PARL: variants seen among roughly 807,000 people sequenced by gnomAD.
PARL encodes presenilin-associated rhomboid-like protein, mitochondrial.
In PARL, 44 loss-of-function variants were observed where a neutral mutation model predicts 51.6. That is an observed-to-expected ratio of 0.85 (90% CI 0.67 to 1.10). The LOEUF (loss-of-function observed/expected upper bound fraction) is 1.10. Among genes scored for constraint, PARL ranks in the 50% least tolerant of loss-of-function variants. The probability of loss-of-function intolerance (pLI) is 0.00; values close to 1 mark genes in which losing one functional copy is unlikely to be tolerated. For synonymous variants in PARL, 172 were observed against 164.0 expected (o/e 1.05, Z -0.37); for missense variants, 441 against 469.5 (o/e 0.94, Z 0.56).
At chr3:183,865,808 G>T (rs1168954123) in intron 3 of PARL, among the ~76,000 whole-genome samples, 3 of 152,014 alleles carry the variant, frequency 2.0e-5, no homozygotes, top group Non-Finnish European at 1.5e-5. Flanking sequence ...GATCCACTGA[G>T]ATCCTTAAAC....
At chr3:183,834,976 T>A (rs1728399603) in intron 7 of PARL, among the ~76,000 whole-genome samples, 2 of 151,770 alleles carry the variant, frequency 1.3e-5, no homozygotes, top group Admixed American at 1.3e-4. Flanking sequence ...CGAGAATTGC[T>A]TGAACCCGGG....
At chr3:183,881,247 G>A (rs751543878) in intron 1 of PARL, among the ~76,000 whole-genome samples, 10 of 151,202 alleles carry the variant, frequency 6.6e-5, no homozygotes, top group Non-Finnish European at 1.2e-4. Context: ...TCGGCCCCCC[G>A]AGTAGCTGGG....
chr3:183,867,467 A>G (rs573910852), intron 2 of PARL, among the ~76,000 whole-genome samples: 28 of 152,108 alleles, frequency 1.8e-4, no homozygotes, highest in South Asian at 8.3e-4. Context: ...TTGGGAGGCC[A>G]AGGCGGGCGG....
intron 1 of PARL, among the ~76,000 whole-genome samples, chr3:183,882,288 C>T (rs1414034910): frequency 7.7e-4 from 69 of 89,260 alleles, no homozygotes; most frequent in African/African-American, 2.5e-3. Context: ...TATATACACA[C>T]ACACATATAT....
At chr3:183,876,647 A>G (rs1397682915) in intron 1 of PARL, among the ~76,000 whole-genome samples, 5 of 137,678 alleles carry the variant, frequency 3.6e-5, no homozygotes, top group Non-Finnish European at 7.6e-5. Context: ...AAGAAAAAGA[A>G]AAAGAAAGAA....
chr3:183,876,622 A>T (rs1320591157), intron 1 of PARL, among the ~76,000 whole-genome samples: 9 of 48,372 alleles, frequency 1.9e-4, no homozygotes, highest in African/African-American at 4.6e-4. Flanking sequence ...AAAAAAAAAA[A>T]AAAAAAAAAA....
intron 1 of PARL, among the ~76,000 whole-genome samples, chr3:183,876,391 G>GA (rs1733809722): frequency 6.6e-6 from 1 of 151,656 alleles, no homozygotes; most frequent in South Asian, 2.1e-4. Flanking sequence ...CAAATGCTGA[G>GA]AAAAAAAGAT....
intron 6 of PARL, among the ~76,000 whole-genome samples, chr3:183,841,024 T>C (rs1729248426): frequency 6.6e-6 from 1 of 152,194 alleles, no homozygotes; most frequent in African/African-American, 2.4e-5. Context: ...CTGCATGATC[T>C]GCTGAGCGAC....
chr3:183,835,595 G>A lies in PARL; in HGVS notation c.829-1770C>T, dbSNP rs149536902. Among the ~76,000 whole-genome samples the A allele has an allele frequency of 7.0e-3, 1,061 of 152,266 alleles. 10 individuals carry two copies. The highest frequency in any genetic ancestry group is 0.024 in the African/African-American group (1,017 of 41,556). On this transcript the variant is annotated intron_variant, in intron 7 of 9. Transcript: ENST00000317096. The stretch of plus-strand genomic sequence containing the variant: ...AGAGACTATAATTGTAGCCGGGCAC[G>A]GTGGCTCACGCCTGTAATCCCAGCA...
At chr3:183,864,502 C>T (rs1439467963) in intron 3 of PARL, among the ~76,000 whole-genome samples, 1 of 152,090 alleles carries the variant, frequency 6.6e-6, no homozygotes, top group Non-Finnish European at 1.5e-5. Context: ...ATTGGCTGGG[C>T]TCGGTGGCTC....
chr3:183,881,586 T>C (rs990965826), intron 1 of PARL, among the ~76,000 whole-genome samples: 7 of 152,228 alleles, frequency 4.6e-5, no homozygotes, highest in Non-Finnish European at 7.3e-5. Context: ...TTGATTAGAT[T>C]CATTCCACTT....
rs550283624 is a variant in PARL, at chr3:183,852,488, T to G, written c.512-8162A>C. ...AAAGTAGAATGCGGTTACTAGTGGCTGAGGGGAGGGGGTAATAGGGAGCTA... is the reference window on the plus strand; with the variant it reads ...AAAGTAGAATGCGGTTACTAGTGGCGGAGGGGAGGGGGTAATAGGGAGCTA... On this transcript the variant is annotated intron_variant, in intron 4 of 9. Coordinates refer to ENST00000317096, the MANE Select transcript of PARL (RefSeq NM_018622.7). 3.3e-5 allele frequency among the ~76,000 whole-genome samples: 5 copies of G among 152,240 alleles called. No individual in the cohort carries two copies. The South Asian group carries it at 8.3e-4, about 25-fold the overall frequency.
intron 7 of PARL, 149 bp from the exon 8 acceptor site, chr3:183,833,974 G>A (rs1728256933): frequency 1.4e-6 from 1 of 692,354 alleles, no homozygotes; most frequent in African/African-American, 1.8e-5. Flanking sequence ...AGTTACTTAT[G>A]TCCCCAATAA....
chr3:183,837,605 A>G (rs1228290688), intron 7 of PARL, among the ~76,000 whole-genome samples: 1 of 152,186 alleles, frequency 6.6e-6, no homozygotes, highest in Non-Finnish European at 1.5e-5. Context: ...TCAGGAGGCA[A>G]AGGCGGCTGA....
intron 9 of PARL, among the ~76,000 whole-genome samples, chr3:183,832,345 A>C (rs1192540213): frequency 6.6e-6 from 1 of 151,578 alleles, no homozygotes; most frequent in Non-Finnish European, 1.5e-5. Flanking sequence ...CAGCCTCCCG[A>C]GTAGCTGGGA....
chr3:183,859,946 T>C (rs1731614499), intron 4 of PARL, among the ~76,000 whole-genome samples: 1 of 152,116 alleles, frequency 6.6e-6, no homozygotes, highest in African/African-American at 2.4e-5. Context: ...AGAGCTTTCA[T>C]GCTGCCATTG....
At chr3:183,874,684 T>A (rs945479336) in intron 1 of PARL, among the ~76,000 whole-genome samples, 4 of 151,968 alleles carry the variant, frequency 2.6e-5, no homozygotes, top group Admixed American at 2.0e-4. Flanking sequence ...CCCAGCCAAT[T>A]AGAAATAATT....
At position 183,829,727 on chromosome 3, in the gene PARL, A is replaced by G; in HGVS notation, c.1029-18T>C. 6 of 1,595,514 alleles carry G rather than the reference A, an allele frequency of 3.8e-6. No homozygotes were observed. The highest frequency in any genetic ancestry group is 5.2e-6 in the Non-Finnish European group (6 of 1,162,904). ...CATACCATCTGGAGAAAAACAAACC[A>G]GGTCCGACATTCAAACAGTGTGACA... On this transcript the variant is annotated intron_variant, in intron 9 of 9. Coordinates refer to ENST00000317096, the MANE Select transcript of PARL (RefSeq NM_018622.7).
chr3:183,839,767 A>G (rs896172189), intron 7 of PARL, among the ~76,000 whole-genome samples: 1 of 136,072 alleles, frequency 7.3e-6, no homozygotes, highest in East Asian at 2.3e-4. Flanking sequence ...GGGTCTTGCT[A>G]TGTCACCCAG....
Sources: gnomAD v4.1 joint callset for allele counts (sites outside exome capture counted in the v4.1 genomes callset) on GRCh38, gnomAD v4.1.1 for gene constraint, MANE v1.5 for transcripts, NCBI Gene and HGNC (gene_info 2026-07-23, HGNC 2026-07-21) for gene names.